THSD7A: variants seen among roughly 807,000 people sequenced by gnomAD.
The protein encoded by THSD7A is thrombospondin type 1 domain containing 7A.
Under a neutral mutation model 231.3 loss-of-function variants are expected in THSD7A, and 96 were observed. The observed-to-expected ratio is 0.41, with a 90% CI of 0.35 to 0.49. THSD7A has a LOEUF of 0.49. Ranked by LOEUF, THSD7A falls within the 20% of genes least tolerant of loss-of-function variation. THSD7A has a pLI of 0.05. For missense variants in THSD7A, 2,290 were observed against 2,070.2 expected, an observed-to-expected ratio of 1.11 and a Z score of -2.06; for synonymous variants, 940 against 743.3, an observed-to-expected ratio of 1.26 and a Z score of -4.30.
chr7:11,742,478 C>T (rs1301085454), intron 1 of THSD7A, among the ~76,000 whole-genome samples: 4 of 151,760 alleles, frequency 2.6e-5, no homozygotes, highest in East Asian at 2.0e-4. Context: ...GTAAAATCCT[C>T]AATCTAAATC....
intron 6 of THSD7A, among the ~76,000 whole-genome samples, chr7:11,485,796 C>A (rs1030093434): frequency 3.9e-5 from 6 of 152,188 alleles, no homozygotes; most frequent in African/African-American, 1.4e-4. Context: ...CACAGTGATG[C>A]ATGTTGCCAG....
intron 23 of THSD7A, among the ~76,000 whole-genome samples, chr7:11,386,442 T>C (rs1782747673): frequency 6.6e-6 from 1 of 152,212 alleles, no homozygotes; most frequent in Admixed American, 6.5e-5. Context: ...CATTGTGGTT[T>C]TGATTTGTGT....
chr7:11,522,300 TG>T (rs933384638), intron 6 of THSD7A, among the ~76,000 whole-genome samples: 2 of 152,170 alleles, frequency 1.3e-5, no homozygotes, highest in African/African-American at 2.4e-5. Flanking sequence ...CCCAAGGCCA[TG>T]GGCAAACATG....
intron 1 of THSD7A, among the ~76,000 whole-genome samples, chr7:11,735,803 CATT>C (rs1781895530): frequency 1.3e-5 from 2 of 151,758 alleles, no homozygotes; most frequent in South Asian, 2.1e-4. Flanking sequence ...TATGGGAAAA[CATT>C]ATGAGGAATG....
At chr7:11,492,398 A>G (rs1327028348) in intron 6 of THSD7A, among the ~76,000 whole-genome samples, 2 of 152,084 alleles carry the variant, frequency 1.3e-5, no homozygotes, top group Non-Finnish European at 2.9e-5. Context: ...TTATTACAAG[A>G]TCACAGTGTG....
intron 8 of THSD7A, among the ~76,000 whole-genome samples, chr7:11,472,806 A>G (rs1054560797): frequency 1.3e-5 from 2 of 152,302 alleles, no homozygotes; most frequent in African/African-American, 4.8e-5. Flanking sequence ...ACCGTGGGAC[A>G]GGAACAGAAT....
intron 1 of THSD7A, among the ~76,000 whole-genome samples, chr7:11,809,764 T>C (rs537672927): frequency 2.6e-5 from 4 of 152,190 alleles, no homozygotes; most frequent in South Asian, 2.1e-4. Context: ...ACATATTTCT[T>C]ACATACAAAT....
intron 6 of THSD7A, among the ~76,000 whole-genome samples, chr7:11,515,476 T>G (rs778943378): frequency 6.6e-6 from 1 of 152,264 alleles, no homozygotes; most frequent in Non-Finnish European, 1.5e-5. Flanking sequence ...TAATAATCCA[T>G]AGTGCCATAA....
chr7:11,753,485 G>A (rs181046281), intron 1 of THSD7A, among the ~76,000 whole-genome samples: 7 of 152,004 alleles, frequency 4.6e-5, no homozygotes, highest in South Asian at 2.1e-4. Context: ...AACTTAGGGG[G>A]TGGAAAGTCA....
chr7:11,740,237 T>C (rs1189688659), intron 1 of THSD7A, among the ~76,000 whole-genome samples: 2 of 151,878 alleles, frequency 1.3e-5, no homozygotes, highest in African/African-American at 2.4e-5. Context: ...CCACATTAAT[T>C]TGGAAGCCAT....
intron 4 of THSD7A, among the ~76,000 whole-genome samples, chr7:11,564,713 G>C (rs10486155): frequency 0.16 from 24,830 of 152,030 alleles, 2,067 homozygotes; most frequent in East Asian, 0.21. Flanking sequence ...GGGAATTATA[G>C]AGAAAGGTCC....
chr7:11,758,373 C>A (rs1282265435), intron 1 of THSD7A, among the ~76,000 whole-genome samples: 1 of 151,800 alleles, frequency 6.6e-6, no homozygotes, highest in East Asian at 1.9e-4. Context: ...AATGCATGGC[C>A]GAGCTGATAT....
intron 23 of THSD7A, 136 bp from the exon 24 acceptor site, chr7:11,382,752 G>A: frequency 1.3e-6 from 1 of 744,096 alleles, no homozygotes; most frequent in Non-Finnish European, 2.2e-6. Context: ...TTATTGTCCT[G>A]AAGTTGCCAT....
At chr7:11,425,176 G>T (rs1374546234) in intron 15 of THSD7A, among the ~76,000 whole-genome samples, 2 of 152,088 alleles carry the variant, frequency 1.3e-5, no homozygotes, top group Admixed American at 6.5e-5. Flanking sequence ...TTCAATACTA[G>T]CCCAGGGTGC....
chr7:11,667,352 T>C (rs1432367293), intron 1 of THSD7A, among the ~76,000 whole-genome samples: 3 of 152,292 alleles, frequency 2.0e-5, no homozygotes, highest in East Asian at 3.9e-4. Flanking sequence ...TTCTCGTCTG[T>C]TCACAATTCT....
rs1171603462 is a variant in THSD7A at position 11,814,788 on chromosome 7, G to C, written c.190+16969C>G. 9.2e-5 allele frequency among the ~76,000 whole-genome samples: 14 copies of C among 152,104 alleles called. No homozygotes were observed. Among genetic ancestry groups the C allele is most frequent in the Admixed American group, 9.2e-4 (14 of 15,260 alleles). ...TTCATAAATCCAAATCCATTTTGAT[G>C]ACTCTCCCATTAGAGGTATGTAGTC... On this transcript the variant is annotated intron_variant, in intron 1 of 27. Transcript: ENST00000423059. The surrounding 1 kb of genome is among the most constrained non-coding windows in gnomAD (Gnocchi z 5.1).
intron 16 of THSD7A, among the ~76,000 whole-genome samples, chr7:11,419,945 G>T (rs1037317218): frequency 6.6e-6 from 1 of 152,146 alleles, no homozygotes; most frequent in Non-Finnish European, 1.5e-5. Context: ...TAGGGTATTT[G>T]GTGGAAGAAA....
At chr7:11,783,811 C>T (rs1783705167) in intron 1 of THSD7A, among the ~76,000 whole-genome samples, 1 of 151,976 alleles carries the variant, frequency 6.6e-6, no homozygotes, top group South Asian at 2.1e-4. Flanking sequence ...GAAATACTGC[C>T]TTCTTAATTA....
At chr7:11,770,007 G>C (rs977072609) in intron 1 of THSD7A, among the ~76,000 whole-genome samples, 24 of 151,976 alleles carry the variant, frequency 1.6e-4, no homozygotes, top group African/African-American at 5.5e-4. Context: ...GTTAGAAGCT[G>C]GCTTTGAATA....
Sources: allele counts gnomAD v4.1 joint callset (sites outside exome capture counted in the v4.1 genomes callset), GRCh38; gene constraint gnomAD v4.1.1; non-coding constraint Gnocchi (gnomAD v3.1); transcripts MANE v1.5; gene names NCBI Gene and HGNC (gene_info 2026-07-23, HGNC 2026-07-21).